PDGFB: variants seen among roughly 807,000 people sequenced by gnomAD.
PDGFB encodes the protein platelet derived growth factor subunit B.
In PDGFB, 6 loss-of-function variants were observed where a neutral mutation model predicts 29.0. That is an observed-to-expected ratio of 0.21 (90% CI 0.11 to 0.41). PDGFB has a LOEUF of 0.41. Ranked by LOEUF, PDGFB falls within the 10% of genes least tolerant of loss-of-function variation. The probability of loss-of-function intolerance (pLI) is 1.00; values close to 1 mark genes in which losing one functional copy is unlikely to be tolerated. For synonymous variants in PDGFB, 144 were observed against 140.8 expected (o/e 1.02, Z -0.16); for missense variants, 299 against 341.8 (o/e 0.87, Z 0.99).
intron 3 of PDGFB, among the ~76,000 whole-genome samples, chr22:39,232,558 C>T (rs1420406878): frequency 3.3e-5 from 5 of 152,074 alleles, no homozygotes; most frequent in African/African-American, 7.2e-5. Context: ...GGCGTGGTCT[C>T]GGCTAACTGC....
At chr22:39,233,550 C>A in intron 2 of PDGFB, 26 bp from the exon 3 acceptor site, 1 of 1,538,320 alleles carries the variant, frequency 6.5e-7, no homozygotes, top group Non-Finnish European at 8.8e-7. Flanking sequence ...CAGTCAGACA[C>A]CAGGCGGCCC....
intron 1 of PDGFB, among the ~76,000 whole-genome samples, chr22:39,240,321 C>A (rs1932537255): frequency 6.6e-6 from 1 of 152,256 alleles, no homozygotes; most frequent in Middle Eastern, 3.4e-3. Context: ...TCTTTGGGAA[C>A]TCTGCACTAA....
At chr22:39,232,493 T>C (rs1932333385) in intron 3 of PDGFB, among the ~76,000 whole-genome samples, 1 of 151,946 alleles carries the variant, frequency 6.6e-6, no homozygotes, top group African/African-American at 2.4e-5. Flanking sequence ...GCCACCTGAC[T>C]TTTTTCTTTT....
Position 39,233,530 on chromosome 22 carries a change from G to A in PDGFB, c.161-6C>T. ...CAACTCGGCCCCATCTTCCTCTGCA[G>A]GAGAAGTCACAGTCAGACACCAGGC... is the stretch of plus-strand genomic sequence containing the variant. On this transcript the variant is annotated splice_polypyrimidine_tract_variant and splice_region_variant and intron_variant, in intron 2 of 6. Coordinates refer to ENST00000331163, the MANE Select transcript of PDGFB (RefSeq NM_002608.4). 6.3e-7 allele frequency: 1 copy of A among 1,580,200 alleles called. No individual in the cohort carries two copies. The highest frequency in any genetic ancestry group is 1.2e-5 in the South Asian group (1 of 85,922).
intron 2 of PDGFB, among the ~76,000 whole-genome samples, chr22:39,234,391 A>C (rs994658628): frequency 6.6e-6 from 1 of 152,176 alleles, no homozygotes; most frequent in African/African-American, 2.4e-5. Context: ...GCTGGATGTT[A>C]AGGCGTGGAC....
intron 1 of PDGFB, among the ~76,000 whole-genome samples, chr22:39,239,696 G>T (rs115806298): frequency 6.6e-6 from 1 of 152,210 alleles, no homozygotes. Context: ...AAAGCCAGCC[G>T]TGGGAGCCAA....
In PDGFB at chr22:39,229,966, G is replaced by A. The variant is rs1174535907; in HGVS notation, c.601+118C>T. The A allele has an allele frequency of 8.5e-5, 101 of 1,185,912 alleles. 2 individuals are homozygous for A. In the South Asian group the frequency reaches 1.3e-3, roughly 15 times the overall value. The allele number at this position is 1,185,912 out of a possible 1,614,324, so 73.5% of individuals were successfully genotyped here. A position where few individuals can be genotyped will look rare whatever the true frequency, so the allele number is the denominator to read the frequency against. ...TGTGTCTCAGCAAGATGAAAAGAAA[G>A]CCTCCCGTGAATTTAACCGGGGGCG... On this transcript the variant is annotated intron_variant, in intron 5 of 6. Transcript: ENST00000331163.
rs925063414 is a variant in PDGFB at position 39,243,564 on chromosome 22, G to A, written c.63+337C>T. Among the ~76,000 whole-genome samples the A allele has an allele frequency of 6.6e-6, 1 of 152,102 alleles. No individual in the cohort carries two copies. Among genetic ancestry groups the A allele is most frequent in the African/African-American group, 2.4e-5 (1 of 41,414 alleles). On this transcript the variant is annotated intron_variant, in intron 1 of 6. Coordinates refer to ENST00000331163, the MANE Select transcript of PDGFB (RefSeq NM_002608.4). The surrounding 1 kb of genome is among the most constrained non-coding windows in gnomAD (Gnocchi z 6.4). ...GAGGACGCGCTGCCTTCTGCACCCT[G>A]GGCACCACCCCACCCCCTCTCCCCC...
Position 39,243,881 on chromosome 22 carries a change from C to A in PDGFB, c.63+20G>T. 1 of 1,592,316 alleles carries A rather than the reference C, an allele frequency of 6.3e-7. No homozygotes were observed. The stretch of plus-strand genomic sequence containing the variant: ...AAGGTAATGAATGAAGAACCAGCCC[C>A]AGCCGCCGTGGCAACTCACCTCGGC... On this transcript the variant is annotated intron_variant, in intron 1 of 6. Transcript: ENST00000331163. This position sits in a 1 kb window ranked among gnomAD's most constrained non-coding sequence, Gnocchi z 6.4.
At chr22:39,230,963 G>A (rs1211845363) in intron 4 of PDGFB, among the ~76,000 whole-genome samples, 1 of 152,222 alleles carries the variant, frequency 6.6e-6, no homozygotes, top group African/African-American at 2.4e-5. Context: ...TGAGACCAGG[G>A]TGCTCCCTGA....
At chr22:39,227,837 A>T (rs1439675603) in intron 5 of PDGFB, among the ~76,000 whole-genome samples, 1 of 152,158 alleles carries the variant, frequency 6.6e-6, no homozygotes, top group Non-Finnish European at 1.5e-5. Context: ...CTCCCACCTT[A>T]CAGACACCAG....
chr22:39,236,038 C>T (rs1412930086), intron 1 of PDGFB, among the ~76,000 whole-genome samples, 164 bp from the exon 2 acceptor site: 2 of 152,222 alleles, frequency 1.3e-5, no homozygotes, highest in Non-Finnish European at 2.9e-5. Context: ...GCACAAAGGC[C>T]TCGGGGCCTG....
intron 1 of PDGFB, among the ~76,000 whole-genome samples, chr22:39,239,885 G>C (rs1351129202): frequency 6.6e-6 from 1 of 151,990 alleles, no homozygotes; most frequent in East Asian, 1.9e-4. Flanking sequence ...TCCCCGGCCC[G>C]CCTGCCATTC....
At position 39,224,154 on chromosome 22, in the gene PDGFB, CCCT is replaced by C. The variant is rs1316308023; in HGVS notation, c.*1185_*1187del. On this transcript the variant is annotated 3_prime_UTR_variant, in exon 7 of 7. Coordinates refer to ENST00000331163, the MANE Select transcript of PDGFB (RefSeq NM_002608.4). Reference sequence around the variant, plus strand: ...TGCCTCCCTGCCCCTACCACAGTCTCCCTCCTATTTGGCCACTCCAAGCCACAG... The same window carrying C: ...TGCCTCCCTGCCCCTACCACAGTCTCCCTATTTGGCCACTCCAAGCCACAG... The C allele has an allele frequency of 6.6e-6, 1 of 152,252 alleles. No individual in the cohort carries two copies. Among genetic ancestry groups the C allele is most frequent in the African/African-American group, 2.4e-5 (1 of 41,454 alleles). The allele number at this position is 152,252 out of a possible 1,614,324, so 9.4% of individuals were successfully genotyped here.
At chr22:39,225,551 T>G in intron 6 of PDGFB, 144 bp downstream of exon 6, 2 of 767,482 alleles carry the variant, frequency 2.6e-6, no homozygotes, top group Non-Finnish European at 4.0e-6. Context: ...CCACCCACCC[T>G]GCCCCAGCTG....
rs1182455164 is a variant in PDGFB at position 39,242,036 on chromosome 22, G to A, written c.63+1865C>T. On this transcript the variant is annotated intron_variant, in intron 1 of 6. Coordinates refer to ENST00000331163, the MANE Select transcript of PDGFB (RefSeq NM_002608.4). The surrounding 1 kb of genome is among the most constrained non-coding windows in gnomAD (Gnocchi z 5.7). ...CCCACGGAGGGCCCACCTGTTGCGC[G>A]GGGGCGAGCACCAGGCGCTGGGTGC... Among the ~76,000 whole-genome samples the A allele has an allele frequency of 2.6e-5, 4 of 152,182 alleles. No individual in the cohort carries two copies. Among genetic ancestry groups the A allele is most frequent in the African/African-American group, 4.8e-5 (2 of 41,460 alleles).
intron 2 of PDGFB, among the ~76,000 whole-genome samples, chr22:39,235,262 G>A (rs551321558): frequency 1.3e-5 from 2 of 152,310 alleles, no homozygotes; most frequent in East Asian, 3.9e-4. Context: ...TGAAGACAGC[G>A]TTTATAAATA....
chr22:39,244,854 G>A lies in PDGFB; in HGVS notation c.-891C>T. 1 of 192,910 alleles carries A rather than the reference G, an allele frequency of 5.2e-6. No homozygotes were observed. Among genetic ancestry groups the A allele is most frequent in the Non-Finnish European group, 1.1e-5 (1 of 93,202 alleles). The allele number at this position is 192,910 out of a possible 1,614,324, so 11.9% of individuals were successfully genotyped here. ...GCGTATGTATGTGTGTGCGCGCAAA[G>A]TATCTCTATCTAGGGAATGAAAAAT... is the stretch of plus-strand genomic sequence containing the variant. On this transcript the variant is annotated 5_prime_UTR_variant, in exon 1 of 7. Coordinates refer to ENST00000331163, the MANE Select transcript of PDGFB (RefSeq NM_002608.4). This position sits in a 1 kb window ranked among gnomAD's most constrained non-coding sequence, Gnocchi z 4.5.
In PDGFB at chr22:39,230,207, G is replaced by T. The variant is rs773106218; in HGVS notation, c.478C>A (p.Arg160=). The change falls in exon 5 of 7, where the codon CGG becomes AGG. Residue 160 remains arginine (R), a synonymous_variant. Coordinates refer to ENST00000331163, the MANE Select transcript of PDGFB (RefSeq NM_002608.4). ...GCCTTCTTAAAGATTGGCTTCTTCC[G>T]CACAATCTCGATCTTTCTCACCTGG... ...PVQVRKIEIV[R]KKPIFKKATV... is the part of the protein sequence containing the mutation. 4 of 1,613,830 alleles carry T rather than the reference G, an allele frequency of 2.5e-6. No homozygotes were observed. The South Asian group carries it at 4.4e-5, about 18-fold the overall frequency.
Sources: gnomAD v4.1 joint callset for allele counts (sites outside exome capture counted in the v4.1 genomes callset) on GRCh38, gnomAD v4.1.1 for gene constraint, Gnocchi (gnomAD v3.1) non-coding constraint, MANE v1.5 for transcripts, NCBI Gene and HGNC (gene_info 2026-07-23, HGNC 2026-07-21) for gene names.